Variants in DCDC2C observed in about 807,000 individuals in gnomAD.
DCDC2C encodes doublecortin domain containing 2C.
DCDC2C carries 44 observed loss-of-function variants against 45.0 expected under a neutral mutation model. The observed-to-expected ratio is 0.98, with a 90% CI of 0.77 to 1.26. The LOEUF (loss-of-function observed/expected upper bound fraction) is 1.26, where lower values mean the gene tolerates loss of function less well. DCDC2C is among the 50% of genes most tolerant of loss of function. The pLI is 0.00. For synonymous variants in DCDC2C, 187 were observed against 178.8 expected (o/e 1.05, Z -0.37); for missense variants, 447 against 468.9 (o/e 0.95, Z 0.43).
At chr2:3,839,845 A>C (rs1019383699) in intron 10 of DCDC2C, among the ~76,000 whole-genome samples, 2 of 152,186 alleles carry the variant, frequency 1.3e-5, no homozygotes, top group Non-Finnish European at 2.9e-5. Flanking sequence ...AGTTCAGTTA[A>C]CTGAAGTGCT....
chr2:3,739,743 G>C (rs1384251586), intron 3 of DCDC2C, among the ~76,000 whole-genome samples: 1 of 152,244 alleles, frequency 6.6e-6, no homozygotes, highest in Non-Finnish European at 1.5e-5. Context: ...GGTACACCAA[G>C]GCCAGAACCC....
intron 8 of DCDC2C, among the ~76,000 whole-genome samples, chr2:3,770,359 T>C (rs895977346): frequency 6.6e-6 from 1 of 152,244 alleles, no homozygotes; most frequent in Non-Finnish European, 1.5e-5. Flanking sequence ...ACTTTGTTTT[T>C]TAACTTCTGC....
At chr2:3,713,851 A>T (rs967452170) in intron 2 of DCDC2C, among the ~76,000 whole-genome samples, 3 of 152,200 alleles carry the variant, frequency 2.0e-5, no homozygotes, top group African/African-American at 7.2e-5. Flanking sequence ...AGAGCTCAAT[A>T]AGTAGTTAGT....
chr2:3,831,269 T>C (rs983581651), intron 10 of DCDC2C, among the ~76,000 whole-genome samples: 3 of 152,214 alleles, frequency 2.0e-5, no homozygotes, highest in African/African-American at 7.2e-5. Context: ...CATTGCTCAA[T>C]GATGGGGTGT....
At chr2:3,726,164 G>C (rs983146748) in intron 2 of DCDC2C, 3 of 152,612 alleles carry the variant, frequency 2.0e-5, no homozygotes, top group African/African-American at 7.2e-5. Flanking sequence ...TTCTTATCCT[G>C]GTGGGCTGGG....
chr2:3,837,622 A>ATAC lies in DCDC2C; in HGVS notation c.1066-9532_1066-9531insTAC, dbSNP rs1558249632. Among the ~76,000 whole-genome samples the ATAC allele has an allele frequency of 7.1e-4, 88 of 124,532 alleles. 14 individuals carry two copies. Among genetic ancestry groups the ATAC allele is most frequent in the Non-Finnish European group, 1.0e-3 (56 of 53,956 alleles). 81.7% of individuals were successfully genotyped at this position (124,532 alleles called of 152,430 possible). Reference sequence around the variant, plus strand: ...TCATCTAAAGGGGAAGAAACTGAGGAAGAAATCAGCCTTTGGCTCCCCCTT... The same window carrying ATAC: ...TCATCTAAAGGGGAAGAAACTGAGGATACAGAAATCAGCCTTTGGCTCCCCCTT... On this transcript the variant is annotated intron_variant, in intron 10 of 10. Transcript: ENST00000399143.
At chr2:3,838,337 AG>A (rs978476135) in intron 10 of DCDC2C, among the ~76,000 whole-genome samples, 4 of 152,108 alleles carry the variant, frequency 2.6e-5, no homozygotes, top group Non-Finnish European at 5.9e-5. Context: ...CGCAGGGTCT[AG>A]GGTATGGTCT....
At chr2:3,842,930 C>A (rs1286590086) in intron 10 of DCDC2C, among the ~76,000 whole-genome samples, 1 of 152,200 alleles carries the variant, frequency 6.6e-6, no homozygotes, top group African/African-American at 2.4e-5. Context: ...GTTGCCTGGC[C>A]CCGTTTAGCT....
rs969071831 is a variant in DCDC2C at position 3,847,474 on chromosome 2, C to T, written c.*291C>T. The T allele has an allele frequency of 7.4e-5, 19 of 255,998 alleles. No homozygotes were observed. The highest frequency in any genetic ancestry group is 1.2e-4 in the Non-Finnish European group (17 of 136,048). The allele number at this position is 255,998 out of a possible 1,614,324, so 15.9% of individuals were successfully genotyped here. ...AGAAAGTGAGAAGAATTTGAAAAAACGTGTGTATATTTTCCCCTCATGATA... is the reference window on the plus strand; with the variant it reads ...AGAAAGTGAGAAGAATTTGAAAAAATGTGTGTATATTTTCCCCTCATGATA... On this transcript the variant is annotated 3_prime_UTR_variant, in exon 11 of 11. Coordinates refer to ENST00000399143, the MANE Select transcript of DCDC2C (RefSeq NM_001287444.2).
chr2:3,724,495 G>A (rs918852974), intron 2 of DCDC2C, among the ~76,000 whole-genome samples: 21 of 152,328 alleles, frequency 1.4e-4, no homozygotes, highest in African/African-American at 4.6e-4. Flanking sequence ...TTAAAACACA[G>A]TTCTGTTAAT....
Position 3,715,533 on chromosome 2 carries a change from A to T in DCDC2C, c.339+6933A>T, listed in dbSNP as rs143294266. On this transcript the variant is annotated intron_variant, in intron 2 of 10. Transcript: ENST00000399143. ...GCTGTATCTAAGAAATAGGGGTTAA[A>T]TGTAATTATGCATGTATTCTGCTCA... Among the ~76,000 whole-genome samples the T allele has an allele frequency of 1.4e-3, 214 of 151,756 alleles. 1 individual carries two copies. Among genetic ancestry groups the T allele is most frequent in the African/African-American group, 5.0e-3 (206 of 41,242 alleles).
At chr2:3,748,636 GACAC>G (rs1669445104) in intron 4 of DCDC2C, among the ~76,000 whole-genome samples, 1 of 152,184 alleles carries the variant, frequency 6.6e-6, no homozygotes, top group Non-Finnish European at 1.5e-5. Context: ...TGGAGAAACA[GACAC>G]ACAATCTGAG....
intron 4 of DCDC2C, among the ~76,000 whole-genome samples, chr2:3,743,208 T>C (rs202010573): frequency 5.0e-5 from 4 of 79,840 alleles, no homozygotes; most frequent in Non-Finnish European, 1.1e-4. Flanking sequence ...TATACAACAA[T>C]TATCAATATA....
At chr2:3,766,044 C>A (rs1670002970) in intron 6 of DCDC2C, among the ~76,000 whole-genome samples, 1 of 152,126 alleles carries the variant, frequency 6.6e-6, no homozygotes, top group South Asian at 2.1e-4. Flanking sequence ...GCCCAGCCAT[C>A]CTGCTGCATC....
At chr2:3,823,242 TC>T (rs1285500149) in intron 10 of DCDC2C, among the ~76,000 whole-genome samples, 2 of 152,206 alleles carry the variant, frequency 1.3e-5, no homozygotes, top group East Asian at 1.9e-4. Flanking sequence ...TATTTTTTTT[TC>T]ATTTAAGAGC....
chr2:3,704,250 G>T (rs889976994), intron 1 of DCDC2C: 5 of 417,036 alleles, frequency 1.2e-5, no homozygotes, highest in Non-Finnish European at 1.6e-5. Flanking sequence ...CCGCCCCCAG[G>T]GTCCCTTCCT....
At chr2:3,811,613 T>G (rs1289905272) in intron 10 of DCDC2C, among the ~76,000 whole-genome samples, 1 of 152,218 alleles carries the variant, frequency 6.6e-6, no homozygotes, top group Non-Finnish European at 1.5e-5. Context: ...CTTCCAATAC[T>G]ATATTGAATA....
intron 3 of DCDC2C, among the ~76,000 whole-genome samples, chr2:3,739,328 G>A (rs1669124956): frequency 6.6e-6 from 1 of 152,192 alleles, no homozygotes; most frequent in Non-Finnish European, 1.5e-5. Flanking sequence ...GCCACCCAAT[G>A]GACCTGCGTG....
chr2:3,739,679 A>G (rs1669144053), intron 3 of DCDC2C, among the ~76,000 whole-genome samples: 1 of 152,226 alleles, frequency 6.6e-6, no homozygotes, highest in South Asian at 2.1e-4. Flanking sequence ...AGCTACGTCC[A>G]CTCAATAAAA....
Sources: gnomAD v4.1 joint callset for allele counts (sites outside exome capture counted in the v4.1 genomes callset) on GRCh38, gnomAD v4.1.1 for gene constraint, MANE v1.5 for transcripts, NCBI Gene and HGNC (gene_info 2026-07-23, HGNC 2026-07-21) for gene names.